The following LY6S variants were observed in gnomAD, a reference collection of about 807,000 sequenced individuals.
The protein encoded by LY6S is lymphocyte antigen 6 family member S.
chr8:143,041,053 C>T, the LY6S span, among the ~76,000 whole-genome samples: 24 of 152,196 alleles, frequency 1.6e-4, no homozygotes, highest in African/African-American at 5.1e-4. Context: ...ACCACGGGAC[C>T]GGGGCGAAAT....
chr8:143,051,788 A>G, the LY6S span, among the ~76,000 whole-genome samples: 3 of 151,788 alleles, frequency 2.0e-5, no homozygotes, highest in African/African-American at 7.3e-5. Context: ...CCTGGCCTAC[A>G]TGGAGAAACC....
chr8:143,073,728 G>A, the LY6S span, among the ~76,000 whole-genome samples: 1 of 144,130 alleles, frequency 6.9e-6, no homozygotes, highest in South Asian at 2.2e-4. Flanking sequence ...TGAGGAGACA[G>A]CCGTCGTCCT....
chr8:143,067,066 G>A, the LY6S span, among the ~76,000 whole-genome samples: 2 of 152,176 alleles, frequency 1.3e-5, no homozygotes, highest in Non-Finnish European at 2.9e-5. Flanking sequence ...TCATGATAGT[G>A]AGTGAGTTCT....
the LY6S span, among the ~76,000 whole-genome samples, chr8:143,065,423 G>T: frequency 6.6e-6 from 1 of 152,162 alleles, no homozygotes. Flanking sequence ...CAGCATGCAA[G>T]GTGTTCTGCC....
chr8:143,056,433 AT>A, the LY6S span, among the ~76,000 whole-genome samples: 1 of 152,054 alleles, frequency 6.6e-6, no homozygotes, highest in African/African-American at 2.4e-5. Flanking sequence ...TAATTGATAC[AT>A]TTTTATAGCA....
At chr8:143,056,780 A>G in the LY6S span, among the ~76,000 whole-genome samples, 1 of 152,200 alleles carries the variant, frequency 6.6e-6, no homozygotes, top group African/African-American at 2.4e-5. Context: ...TTACTACAAA[A>G]TGCTCGTTTA....
chr8:143,054,690 A>G, the LY6S span, among the ~76,000 whole-genome samples: 1 of 152,054 alleles, frequency 6.6e-6, no homozygotes, highest in Non-Finnish European at 1.5e-5. Flanking sequence ...CTAACTCCAC[A>G]CTGGCTACTA....
chr8:143,072,525 G>C, the LY6S span, among the ~76,000 whole-genome samples: 19 of 135,584 alleles, frequency 1.4e-4, no homozygotes, highest in African/African-American at 3.3e-4. Flanking sequence ...CGGGATTCCT[G>C]TTTGAGGAGA....
the LY6S span, among the ~76,000 whole-genome samples, chr8:143,050,039 T>C: frequency 1.3e-5 from 2 of 152,188 alleles, no homozygotes; most frequent in African/African-American, 2.4e-5. Context: ...GAGAAACGCC[T>C]GGTCCGGTTG....
chr8:143,057,202 C>CT, the LY6S span: 1 of 309,608 alleles, frequency 3.2e-6, no homozygotes, highest in East Asian at 8.8e-5. Flanking sequence ...CCGGGACTGG[C>CT]TTTGTTTGGC....
At chr8:143,044,307 G>A in the LY6S span, 1 of 448,910 alleles carries the variant, frequency 2.2e-6, no homozygotes, top group Non-Finnish European at 4.5e-6. Context: ...ACAGCAGCTG[G>A]CGTTGGGAGG....
the LY6S span, among the ~76,000 whole-genome samples, chr8:143,066,993 G>A: frequency 3.3e-5 from 5 of 152,314 alleles, no homozygotes; most frequent in Admixed American, 2.6e-4. Context: ...TGGTGGAGGT[G>A]GGCCTGGTGG....
chr8:143,068,639 A>G, the LY6S span, among the ~76,000 whole-genome samples: 1 of 152,246 alleles, frequency 6.6e-6, no homozygotes, highest in East Asian at 1.9e-4. Flanking sequence ...AGACTATCAC[A>G]ACAGGCAAGA....
At chr8:143,065,980 G>C in the LY6S span, 8 of 333,918 alleles carry the variant, frequency 2.4e-5, no homozygotes, top group Non-Finnish European at 4.0e-5. Context: ...GGGGGTGTTC[G>C]GTCCTTGTGG....
chr8:143,058,932 T>C, the LY6S span, among the ~76,000 whole-genome samples: 1 of 152,260 alleles, frequency 6.6e-6, no homozygotes, highest in Non-Finnish European at 1.5e-5. Flanking sequence ...TATGGCCTGG[T>C]TTTTCCTAGG....
chr8:143,062,107 T>C, the LY6S span, among the ~76,000 whole-genome samples: 1 of 152,288 alleles, frequency 6.6e-6, no homozygotes, highest in South Asian at 2.1e-4. Flanking sequence ...AAGAAAAAGA[T>C]ATGATTAGAA....
the LY6S span, among the ~76,000 whole-genome samples, chr8:143,068,523 A>G: frequency 6.6e-6 from 1 of 152,140 alleles, no homozygotes. Context: ...AGCCAAGCAG[A>G]TGCCAGCACT....
At chr8:143,067,286 A>G in the LY6S span, among the ~76,000 whole-genome samples, 1 of 152,246 alleles carries the variant, frequency 6.6e-6, no homozygotes, top group Non-Finnish European at 1.5e-5. Context: ...GTTAATCTGT[A>G]ACTTTAGCCC....
the LY6S span, among the ~76,000 whole-genome samples, chr8:143,043,758 C>A: frequency 6.6e-6 from 1 of 151,360 alleles, no homozygotes; most frequent in Admixed American, 6.6e-5. Context: ...TCACCACAAC[C>A]TCCACCTCCT....
Sources: gnomAD v4.1 joint callset for allele counts (sites outside exome capture counted in the v4.1 genomes callset) on GRCh38, gnomAD v4.1.1 for gene constraint, MANE v1.5 for transcripts, NCBI Gene and HGNC (gene_info 2026-07-23, HGNC 2026-07-21) for gene names.